HSPG2: variants seen among roughly 807,000 people sequenced by gnomAD.
HSPG2 encodes basement membrane-specific heparan sulfate proteoglycan core protein.
Under a neutral mutation model 526.6 loss-of-function variants are expected in HSPG2, and 278 were observed. The ratio of observed to expected loss-of-function variants is 0.53; its 90% confidence interval spans 0.48 to 0.58. The LOEUF (loss-of-function observed/expected upper bound fraction) is 0.58, where lower values mean the gene tolerates loss of function less well. Ranked by LOEUF, HSPG2 falls within the 20% of genes least tolerant of loss-of-function variation. The pLI is 0.00. For synonymous variants in HSPG2, 2,465 were observed against 2,555.4 expected (o/e 0.96, Z 1.07); for missense variants, 5,354 against 6,099.5 (o/e 0.88, Z 4.07).
In HSPG2 at chr1:21,831,246, T is replaced by C; in HGVS notation, c.11531A>G (p.His3844Arg). 1 of 1,613,908 alleles carries C rather than the reference T, an allele frequency of 6.2e-7. No homozygotes were observed. Among genetic ancestry groups the C allele is most frequent in the Non-Finnish European group, 8.5e-7 (1 of 1,179,930 alleles). Residue 3844 changes from histidine (H) to arginine (R), a missense_variant, in exon 84 of 97, where the codon CAC becomes CGC. His to Arg is a conservative substitution (Grantham distance 29). Coordinates refer to ENST00000374695, the MANE Select transcript of HSPG2 (RefSeq NM_005529.7). ...GGGCCGGTCCCGACAGGTGGGGCAG[T>C]GGGAGATGCCGTGCGCCGTGAGGTT... Reference protein sequence around the residue: ...DLNLTAHGISHCPTCRDRPCQ... With the variant: ...DLNLTAHGISRCPTCRDRPCQ...
rs1205767889 is a variant in HSPG2 at position 21,904,079 on chromosome 1, T to C, written c.64-7769A>G. On this transcript the variant is annotated intron_variant, in intron 1 of 96. Transcript: ENST00000374695. The surrounding 1 kb of genome is among the most constrained non-coding windows in gnomAD (Gnocchi z 4.4). ...TGTGCTGGGCCCGGGGGACAAAATGTGAAATGGACACAGAACTCCATGTTC... is the reference window on the plus strand; with the variant it reads ...TGTGCTGGGCCCGGGGGACAAAATGCGAAATGGACACAGAACTCCATGTTC... Among the ~76,000 whole-genome samples, 2 of 152,048 alleles carry C rather than the reference T, an allele frequency of 1.3e-5. No individual in the cohort carries two copies. Among genetic ancestry groups the C allele is most frequent in the Non-Finnish European group, 2.9e-5 (2 of 68,028 alleles).
intron 74 of HSPG2, among the ~76,000 whole-genome samples, chr1:21,837,208 T>C (rs535857976): frequency 2.4e-4 from 37 of 152,308 alleles, no homozygotes; most frequent in Non-Finnish European, 4.6e-4. Flanking sequence ...GATAAGGGCC[T>C]GTGGAGCGCT....
At position 21,864,273 on chromosome 1, in the gene HSPG2, AC is replaced by A; in HGVS notation, c.4627-61del. 7.4e-7 allele frequency: 1 copy of A among 1,350,490 alleles called. No individual in the cohort carries two copies. Among genetic ancestry groups the A allele is most frequent in the Non-Finnish European group, 1.0e-6 (1 of 965,428 alleles). 83.7% of individuals were successfully genotyped at this position (1,350,490 alleles called of 1,614,324 possible). ...AACGTGCCCCACCCACAGCCAGCAGACCCAGAACCCCTCCCTCCAGTGTCCT... is the reference window on the plus strand; with the variant it reads ...AACGTGCCCCACCCACAGCCAGCAGACCAGAACCCCTCCCTCCAGTGTCCT... On this transcript the variant is annotated intron_variant, in intron 36 of 96. Coordinates refer to ENST00000374695, the MANE Select transcript of HSPG2 (RefSeq NM_005529.7). This position sits in a 1 kb window ranked among gnomAD's most constrained non-coding sequence, Gnocchi z 4.8.
At position 21,859,791 on chromosome 1, in the gene HSPG2, A is replaced by C. The variant is rs762322229; in HGVS notation, c.5182+44T>G. 6.2e-6 allele frequency: 10 copies of C among 1,605,670 alleles called. No individual in the cohort carries two copies. The African/African-American group carries it at 9.3e-5, about 15-fold the overall frequency. ...GGGACAGGCCCCTGCCTCCCCTCCC[A>C]CTGGGATGGCTCTTGGGGCTGAGGA... On this transcript the variant is annotated intron_variant, in intron 41 of 96. Transcript: ENST00000374695. The surrounding 1 kb of genome is among the most constrained non-coding windows in gnomAD (Gnocchi z 5.3).
Position 21,872,890 on chromosome 1 carries a change from GC to G in HSPG2, c.3888+106del, listed in dbSNP as rs779653935. On this transcript the variant is annotated intron_variant, in intron 31 of 96. Coordinates refer to ENST00000374695, the MANE Select transcript of HSPG2 (RefSeq NM_005529.7). This position sits in a 1 kb window ranked among gnomAD's most constrained non-coding sequence, Gnocchi z 5.5. Reference sequence around the variant, plus strand: ...GCCCCTGCCCTGTCCCCCATGCCCTGCCCCCCATGCCCAGGTCTCGGCTTCC... The same window carrying G: ...GCCCCTGCCCTGTCCCCCATGCCCTGCCCCCATGCCCAGGTCTCGGCTTCC... The G allele has an allele frequency of 2.0e-5, 30 of 1,525,628 alleles. No individual in the cohort carries two copies. The highest frequency in any genetic ancestry group is 5.0e-5 in the Admixed American group (3 of 59,642). The allele number at this position is 1,525,628 out of a possible 1,614,324, so 94.5% of individuals were successfully genotyped here.
intron 50 of HSPG2, 129 bp from the exon 51 acceptor site, chr1:21,853,199 G>T: frequency 7.9e-7 from 1 of 1,263,808 alleles, no homozygotes; most frequent in Non-Finnish European, 1.1e-6. Flanking sequence ...TGGGACTAGG[G>T]CCACACCCTT....
At chr1:21,838,684 G>T in intron 74 of HSPG2, 141 bp downstream of exon 74, 5 of 859,686 alleles carry the variant, frequency 5.8e-6, no homozygotes, top group Non-Finnish European at 9.4e-6. Context: ...AGCCTGCCTC[G>T]GGCCCTGGAG....
At chr1:21,927,039 G>T (rs898100605) in intron 1 of HSPG2, among the ~76,000 whole-genome samples, 1 of 152,134 alleles carries the variant, frequency 6.6e-6, no homozygotes, top group Non-Finnish European at 1.5e-5. Flanking sequence ...GCAGGGAGTG[G>T]GGAGGTGGTG....
chr1:21,843,035 G>C, intron 66 of HSPG2, 114 bp from the exon 67 acceptor site: 4 of 1,254,740 alleles, frequency 3.2e-6, no homozygotes, highest in Non-Finnish European at 4.6e-6. Context: ...GGTGGCTTGA[G>C]AGTGGCTGAT....
chr1:21,846,423 C>T, intron 63 of HSPG2, 25 bp downstream of exon 63: 1 of 1,612,976 alleles, frequency 6.2e-7, no homozygotes, highest in Non-Finnish European at 8.5e-7. Flanking sequence ...AGCGGCTCTC[C>T]CACCATTTCC....
chr1:21,875,179 C>T (rs1274297922), intron 25 of HSPG2, 177 bp from the exon 26 acceptor site: 1 of 653,076 alleles, frequency 1.5e-6, no homozygotes, highest in Non-Finnish European at 2.8e-6. Context: ...TTACCTGCAA[C>T]TTACTCCAAA....
chr1:21,861,856 AG>A lies in HSPG2; in HGVS notation c.4869-14del, dbSNP rs1460050606. 6.2e-7 allele frequency: 1 copy of A among 1,613,552 alleles called. No homozygotes were observed. The stretch of plus-strand genomic sequence containing the variant: ...GGTGCGGGAAAACCTGGGATCGGGG[AG>A]GCAAAGGTCAGGTCATGGGAAGCCC... On this transcript the variant is annotated splice_polypyrimidine_tract_variant and intron_variant, in intron 38 of 96. Coordinates refer to ENST00000374695, the MANE Select transcript of HSPG2 (RefSeq NM_005529.7).
In HSPG2 at chr1:21,847,399, C is replaced by A. The variant is rs1572209649; in HGVS notation, c.8119G>T (p.Ala2707Ser). The A allele has an allele frequency of 1.9e-6, 3 of 1,614,002 alleles. No homozygotes were observed. The highest frequency in any genetic ancestry group is 2.5e-6 in the Non-Finnish European group (3 of 1,180,040). Residue 2707 changes from alanine to serine, a missense_variant, in exon 62 of 97, where the codon GCC becomes TCC. Coordinates refer to ENST00000374695, the MANE Select transcript of HSPG2 (RefSeq NM_005529.7). This position sits in a 1 kb window ranked among gnomAD's most constrained non-coding sequence, Gnocchi z 4.1. Reference protein sequence around the residue: ...RANNNIDALEASIVISVSPSA... With the variant: ...RANNNIDALESSIVISVSPSA... Reference sequence around the variant, plus strand: ...GGGGAGACGGAGATGACGATGGAGGCCTCCAGGGCATCGATGTTGTTGTTG... The same window carrying A: ...GGGGAGACGGAGATGACGATGGAGGACTCCAGGGCATCGATGTTGTTGTTG...
rs200354565 is a variant in HSPG2 at position 21,856,983 on chromosome 1, A to G, written c.5575+32T>C. On this transcript the variant is annotated intron_variant, in intron 44 of 96. Transcript: ENST00000374695. ...CTGGTGGGAATGGGGGAGAGACAGG[A>G]GGGGAGAATCAGGTATAGATGGGAG... 0.059 allele frequency: 94,874 copies of G among 1,604,690 alleles called. 3,235 individuals are homozygous for G. The highest frequency in any genetic ancestry group is 0.11 in the South Asian group (9,970 of 90,890).
chr1:21,829,520 C>A lies in HSPG2; in HGVS notation c.11855G>T (p.Arg3952Leu), dbSNP rs769541964. The stretch of plus-strand genomic sequence containing the variant: ...GAGTGGCTTGAACTCCACGTCCAGG[C>A]GTAGCTCGTGGTGTGTGTTGGTGAG... ...PALTNTHHELRLDVEFKPLAP... is the reference protein window; with the variant it reads ...PALTNTHHELLLDVEFKPLAP... The change falls in exon 87 of 97, where the codon CGC becomes CTC. Residue 3952 changes from arginine (R) to leucine (L), a missense_variant. Coordinates refer to ENST00000374695, the MANE Select transcript of HSPG2 (RefSeq NM_005529.7). 6.2e-7 allele frequency: 1 copy of A among 1,613,002 alleles called. No homozygotes were observed.
At chr1:21,855,945 G>C (rs1193157223) in intron 44 of HSPG2, 33 bp from the exon 45 acceptor site, 10 of 1,601,722 alleles carry the variant, frequency 6.2e-6, no homozygotes, top group African/African-American at 1.3e-5. Flanking sequence ...ATGCACTCAG[G>C]GTGGGGAGTG....
intron 18 of HSPG2, 75 bp from the exon 19 acceptor site, chr1:21,878,738 G>A (rs1641284406): frequency 2.9e-6 from 4 of 1,397,662 alleles, no homozygotes; most frequent in Admixed American, 3.4e-5. Context: ...GGAAATGACT[G>A]CTGTCTACAC....
At position 21,851,860 on chromosome 1, in the gene HSPG2, C is replaced by T. The variant is rs760431916; in HGVS notation, c.6937G>A (p.Ala2313Thr). Residue 2313 changes from alanine to threonine, a missense_variant, in exon 54 of 97, where the codon GCC becomes ACC. Transcript: ENST00000374695. ...ATGGAGGCCTCCATGCCGTTGCTGG[C>T]CCGGCAGACGTACTGTCCCGCATCG... ...PADAGQYVCR[A>T]SNGMEASITV... 7 of 1,613,160 alleles carry T rather than the reference C, an allele frequency of 4.3e-6. No homozygotes were observed. The highest frequency in any genetic ancestry group is 5.9e-6 in the Non-Finnish European group (7 of 1,179,862).
chr1:21,900,742 C>T (rs531118949), intron 1 of HSPG2, among the ~76,000 whole-genome samples: 16 of 152,040 alleles, frequency 1.1e-4, no homozygotes, highest in Non-Finnish European at 1.9e-4. Flanking sequence ...AAAATTAGCC[C>T]AGCGCGGTGG....
Sources: allele counts gnomAD v4.1 joint callset (sites outside exome capture counted in the v4.1 genomes callset), GRCh38; gene constraint gnomAD v4.1.1; non-coding constraint Gnocchi (gnomAD v3.1); transcripts MANE v1.5; gene names NCBI Gene and HGNC (gene_info 2026-07-23, HGNC 2026-07-21).